The following DDAH1 variants were observed in gnomAD, a reference collection of about 807,000 sequenced individuals.
DDAH1 encodes the protein N(G),N(G)-dimethylarginine dimethylaminohydrolase 1.
DDAH1 carries 19 observed loss-of-function variants against 28.8 expected under a neutral mutation model. The observed-to-expected ratio is 0.66, with a 90% CI of 0.46 to 0.97. The LOEUF is 0.97. DDAH1 is among the 50% of genes least tolerant of loss of function. The pLI, the probability that DDAH1 is intolerant of heterozygous loss-of-function variation, is 0.00. For missense variants in DDAH1, 326 were observed against 375.9 expected (o/e 0.87, Z 1.10); for synonymous variants, 153 against 154.4 (o/e 0.99, Z 0.07).
chr1:85,455,013 A>G (rs1022565930), intron 1 of DDAH1, among the ~76,000 whole-genome samples: 1 of 152,202 alleles, frequency 6.6e-6, no homozygotes, highest in African/African-American at 2.4e-5. Flanking sequence ...GGGAGCTGGA[A>G]AACCAGGGTC....
intron 1 of DDAH1, among the ~76,000 whole-genome samples, chr1:85,412,070 A>G (rs1570505950): frequency 1.3e-5 from 2 of 152,358 alleles, no homozygotes; most frequent in East Asian, 3.9e-4. Flanking sequence ...TCCTACATGT[A>G]CCAAATTCCA....
chr1:85,396,720 T>A (rs1651830064), intron 1 of DDAH1, among the ~76,000 whole-genome samples: 1 of 152,178 alleles, frequency 6.6e-6, no homozygotes, highest in East Asian at 1.9e-4. Context: ...TTTCCTTACA[T>A]TTGTATAGAT....
At chr1:85,507,191 A>G (rs1328243677) in intron 1 of DDAH1, among the ~76,000 whole-genome samples, 1 of 152,124 alleles carries the variant, frequency 6.6e-6, no homozygotes, top group African/African-American at 2.4e-5. Flanking sequence ...CCTCACACCT[A>G]AACATTAACA....
rs144452746 is a variant in DDAH1 at position 85,408,200 on chromosome 1, T to C, written c.304-49353A>G. Among the ~76,000 whole-genome samples the C allele has an allele frequency of 3.3e-4, 51 of 152,326 alleles. 2 individuals carry two copies. The East Asian group carries it at 9.5e-3, about 28-fold the overall frequency. On this transcript the variant is annotated intron_variant, in intron 1 of 5. Transcript: ENST00000284031. ...CTTTTGCCCTTCACAAATGTAAGCA[T>C]AGAGCATGGAACGTTCTGCCTTGAA...
In DDAH1 at chr1:85,464,661, C is replaced by T. The variant is rs1213578493; in HGVS notation, c.303+82G>A. The T allele has an allele frequency of 1.4e-6, 2 of 1,461,926 alleles. No individual in the cohort carries two copies. Among genetic ancestry groups the T allele is most frequent in the African/African-American group, 1.4e-5 (1 of 69,610 alleles). 90.6% of individuals were successfully genotyped at this position (1,461,926 alleles called of 1,614,324 possible). A position where few individuals can be genotyped will look rare whatever the true frequency, so the allele number is the denominator to read the frequency against. On this transcript the variant is annotated intron_variant, in intron 1 of 5. Coordinates refer to ENST00000284031, the MANE Select transcript of DDAH1 (RefSeq NM_012137.4). This position sits in a 1 kb window ranked among gnomAD's most constrained non-coding sequence, Gnocchi z 4.4. Reference sequence around the variant, plus strand: ...ACTACTAGCCCGAGGGCCAATGGCGCGACTCCCCAGGCAACACGGCGGCCG... The same window carrying T: ...ACTACTAGCCCGAGGGCCAATGGCGTGACTCCCCAGGCAACACGGCGGCCG...
chr1:85,448,739 C>G (rs758760444), intron 1 of DDAH1, among the ~76,000 whole-genome samples: 1 of 152,092 alleles, frequency 6.6e-6, no homozygotes, highest in Non-Finnish European at 1.5e-5. Flanking sequence ...AAAAACCCCA[C>G]GAAACACAGG....
chr1:85,391,300 C>T (rs965860650), intron 1 of DDAH1, among the ~76,000 whole-genome samples: 1 of 152,140 alleles, frequency 6.6e-6, no homozygotes, highest in Non-Finnish European at 1.5e-5. Context: ...CAGAAGACCT[C>T]CAAATATTTT....
intron 1 of DDAH1, among the ~76,000 whole-genome samples, chr1:85,497,458 A>G (rs1463865258): frequency 2.0e-5 from 3 of 152,240 alleles, no homozygotes; most frequent in African/African-American, 7.2e-5. Flanking sequence ...AAAGAGTACT[A>G]ACTGTTAAAT....
intron 1 of DDAH1, among the ~76,000 whole-genome samples, chr1:85,523,511 G>T: frequency 6.6e-6 from 1 of 152,084 alleles, no homozygotes. Flanking sequence ...ATGGAGAAAT[G>T]GTGCCATCAA....
intron 1 of DDAH1, among the ~76,000 whole-genome samples, chr1:85,549,443 C>T (rs925878126): frequency 6.6e-6 from 1 of 152,168 alleles, no homozygotes. Flanking sequence ...CCAGGGAATG[C>T]TAATGCTGCT....
chr1:85,369,981 C>T (rs181008805), intron 1 of DDAH1, among the ~76,000 whole-genome samples: 1 of 152,188 alleles, frequency 6.6e-6, no homozygotes, highest in Non-Finnish European at 1.5e-5. Context: ...GTTCAAGGAA[C>T]AGGAAGACAG....
intron 1 of DDAH1, among the ~76,000 whole-genome samples, chr1:85,566,728 T>C (rs1056829820): frequency 1.3e-5 from 2 of 152,202 alleles, no homozygotes; most frequent in African/African-American, 2.4e-5. Context: ...AGATTAGTTA[T>C]GGTTCTCCAA....
upstream of DDAH1, among the ~76,000 whole-genome samples, chr1:85,469,593 A>T (rs1655547201): frequency 6.6e-6 from 1 of 152,262 alleles, no homozygotes; most frequent in African/African-American, 2.4e-5. Context: ...GGCTTTGCAC[A>T]TGATTTCCTA....
chr1:85,440,862 T>C (rs1654159500), intron 1 of DDAH1, among the ~76,000 whole-genome samples: 1 of 139,718 alleles, frequency 7.2e-6, no homozygotes, highest in South Asian at 3.0e-4. Flanking sequence ...CAACTAAAGC[T>C]GGCAGGATTC....
chr1:85,372,129 G>A (rs1650416296), intron 1 of DDAH1, among the ~76,000 whole-genome samples: 1 of 152,070 alleles, frequency 6.6e-6, no homozygotes, highest in Admixed American at 6.6e-5. Flanking sequence ...CTGAGAAGCT[G>A]CCTTCTGATT....
intron 1 of DDAH1, among the ~76,000 whole-genome samples, chr1:85,522,444 G>C (rs1657724171): frequency 7.5e-6 from 1 of 133,730 alleles, no homozygotes; most frequent in South Asian, 2.7e-4. Context: ...AATTCCAAAT[G>C]CTAATTCTGC....
chr1:85,448,147 T>C (rs1654516843), intron 1 of DDAH1: 1 of 152,486 alleles, frequency 6.6e-6, no homozygotes, highest in Non-Finnish European at 1.5e-5. Context: ...TTTGTGATTT[T>C]TTTAAGCTCA....
intron 1 of DDAH1, among the ~76,000 whole-genome samples, chr1:85,359,947 T>A (rs567445240): frequency 7.9e-5 from 12 of 152,296 alleles, no homozygotes; most frequent in Admixed American, 7.8e-4. Flanking sequence ...AACAAAACAA[T>A]TTAAATATTT....
intron 1 of DDAH1, among the ~76,000 whole-genome samples, chr1:85,497,223 G>T (rs1384680859): frequency 5.3e-5 from 8 of 152,038 alleles, no homozygotes; most frequent in Non-Finnish European, 8.8e-5. Context: ...TAAATAAAAG[G>T]TGTCATACAG....
Sources: allele counts gnomAD v4.1 joint callset (sites outside exome capture counted in the v4.1 genomes callset), GRCh38; gene constraint gnomAD v4.1.1; non-coding constraint Gnocchi (gnomAD v3.1); transcripts MANE v1.5; gene names NCBI Gene and HGNC (gene_info 2026-07-23, HGNC 2026-07-21).